Variants in TMTC2 observed in about 807,000 individuals in gnomAD.
TMTC2 encodes protein O-mannosyl-transferase TMTC2.
In TMTC2, 43 loss-of-function variants were observed where a neutral mutation model predicts 82.4. That is an observed-to-expected ratio of 0.52 (90% confidence interval 0.41 to 0.67). The LOEUF (loss-of-function observed/expected upper bound fraction) is 0.67, where lower values mean the gene tolerates loss of function less well. Among genes scored for constraint, TMTC2 ranks in the 30% least tolerant of loss-of-function variants. The pLI is 0.00. For missense variants in TMTC2, 919 were observed against 1,012.4 expected, an observed-to-expected ratio of 0.91 and a Z score of 1.25; for synonymous variants, 408 against 381.9, an observed-to-expected ratio of 1.07 and a Z score of -0.80.
At position 82,819,944 on chromosome 12, in the gene TMTC2, A is replaced by G. The variant is rs150189444; in HGVS notation, c.84-37066A>G. Among the ~76,000 whole-genome samples the G allele has an allele frequency of 2.9e-3, 436 of 152,260 alleles. 3 individuals carry two copies. The highest frequency in any genetic ancestry group is 9.9e-3 in the African/African-American group (413 of 41,548). The stretch of plus-strand genomic sequence containing the variant: ...GAGGTCCCACGATAGGCCATCTGCA[A>G]ACTGAGGAGCAAGGAAGCTAGTCCA... On this transcript the variant is annotated intron_variant, in intron 1 of 11. Coordinates refer to ENST00000321196, the MANE Select transcript of TMTC2 (RefSeq NM_152588.3).
At chr12:82,725,801 A>G (rs534341924) in intron 1 of TMTC2, among the ~76,000 whole-genome samples, 3 of 152,312 alleles carry the variant, frequency 2.0e-5, no homozygotes, top group African/African-American at 7.2e-5. Context: ...CTAGTTTACA[A>G]TGGGTTGGGT....
chr12:83,060,444 G>T (rs1882699109), intron 10 of TMTC2, among the ~76,000 whole-genome samples: 1 of 151,568 alleles, frequency 6.6e-6, no homozygotes, highest in Non-Finnish European at 1.5e-5. Flanking sequence ...TTTTCTAATT[G>T]AGAAAGTTAA....
chr12:82,775,111 A>T (rs1433576894), intron 1 of TMTC2, among the ~76,000 whole-genome samples: 2 of 152,084 alleles, frequency 1.3e-5, no homozygotes, highest in African/African-American at 4.8e-5. Context: ...AAAAAATTAA[A>T]GCAGGGGCTC....
intron 2 of TMTC2, among the ~76,000 whole-genome samples, chr12:82,880,987 TA>T (rs1180174406): frequency 6.6e-6 from 1 of 152,190 alleles, no homozygotes; most frequent in Non-Finnish European, 1.5e-5. Context: ...ATTTTTACAG[TA>T]AATCTTATTT....
At chr12:82,876,761 T>C (rs1872604628) in intron 2 of TMTC2, among the ~76,000 whole-genome samples, 1 of 152,340 alleles carries the variant, frequency 6.6e-6, no homozygotes, top group South Asian at 2.1e-4. Flanking sequence ...TACTTCTTTA[T>C]CTTGATCAGG....
At chr12:82,869,779 C>T (rs1047234544) in intron 2 of TMTC2, among the ~76,000 whole-genome samples, 2 of 151,014 alleles carry the variant, frequency 1.3e-5, no homozygotes, top group African/African-American at 4.9e-5. Context: ...GTGGAGGCCG[C>T]AGTGAGCCAT....
intron 2 of TMTC2, among the ~76,000 whole-genome samples, chr12:82,874,509 C>G (rs1367481334): frequency 6.6e-6 from 1 of 152,106 alleles, no homozygotes; most frequent in African/African-American, 2.4e-5. Context: ...TTTCTATGAA[C>G]AAAAGATTAA....
intron 11 of TMTC2, among the ~76,000 whole-genome samples, chr12:83,110,796 C>T (rs1286216579): frequency 6.6e-6 from 1 of 152,218 alleles, no homozygotes; most frequent in East Asian, 1.9e-4. Flanking sequence ...ACCCACTTCA[C>T]ACCCAAACTC....
intron 10 of TMTC2, among the ~76,000 whole-genome samples, chr12:83,061,536 T>C (rs937519912): frequency 2.0e-5 from 3 of 151,718 alleles, no homozygotes; most frequent in Non-Finnish European, 4.4e-5. Context: ...AATATGTAAA[T>C]GTGAAATAAC....
chr12:82,757,059 T>A (rs1163331927), intron 1 of TMTC2, among the ~76,000 whole-genome samples: 4 of 152,212 alleles, frequency 2.6e-5, no homozygotes, highest in Admixed American at 2.6e-4. Context: ...ATTCTCAGAT[T>A]TGACATGACT....
intron 1 of TMTC2, among the ~76,000 whole-genome samples, chr12:82,810,326 G>A (rs1879434856): frequency 6.6e-6 from 1 of 151,328 alleles, no homozygotes; most frequent in Non-Finnish European, 1.5e-5. Flanking sequence ...CATGTAAAAG[G>A]CAAGGGTGCA....
intron 11 of TMTC2, among the ~76,000 whole-genome samples, chr12:83,120,737 C>T (rs905600515): frequency 6.6e-6 from 1 of 152,172 alleles, no homozygotes; most frequent in Non-Finnish European, 1.5e-5. Flanking sequence ...GATTATTCCC[C>T]CAAATATGTT....
At chr12:82,782,794 G>C (rs1233458664) in intron 1 of TMTC2, among the ~76,000 whole-genome samples, 1 of 152,164 alleles carries the variant, frequency 6.6e-6, no homozygotes, top group African/African-American at 2.4e-5. Context: ...TTCAAGGCTT[G>C]TGTGATGCAC....
intron 1 of TMTC2, among the ~76,000 whole-genome samples, chr12:82,762,392 T>C (rs1876702335): frequency 6.6e-6 from 1 of 152,218 alleles, no homozygotes; most frequent in Admixed American, 6.5e-5. Flanking sequence ...GAGCCATTTA[T>C]GTGTCTTTTC....
intron 7 of TMTC2, among the ~76,000 whole-genome samples, chr12:82,973,471 A>T (rs1451640457): frequency 1.3e-5 from 2 of 152,208 alleles, no homozygotes; most frequent in Non-Finnish European, 2.9e-5. Context: ...TAAGGAAATC[A>T]TGAATGTTTG....
rs117240820 is a variant in TMTC2 at position 82,799,909 on chromosome 12, T to G, written c.84-57101T>G. Among the ~76,000 whole-genome samples, 20 of 152,182 alleles carry G rather than the reference T, an allele frequency of 1.3e-4. No individual in the cohort carries two copies. In the East Asian group the frequency reaches 3.9e-3, roughly 29 times the overall value. On this transcript the variant is annotated intron_variant, in intron 1 of 11. Transcript: ENST00000321196. ...TCACCATCACATGTGCCAGCAGGTGTTGTTTCTTTGTCCAGGATCCTAATC... is the reference window on the plus strand; with the variant it reads ...TCACCATCACATGTGCCAGCAGGTGGTGTTTCTTTGTCCAGGATCCTAATC...
intron 8 of TMTC2, among the ~76,000 whole-genome samples, chr12:82,989,557 C>G (rs1879311185): frequency 6.6e-6 from 1 of 151,326 alleles, no homozygotes; most frequent in African/African-American, 2.4e-5. Context: ...TCATTGCCCA[C>G]CTGCACCCCC....
At chr12:82,833,813 G>A (rs1280764035) in intron 1 of TMTC2, among the ~76,000 whole-genome samples, 2 of 152,186 alleles carry the variant, frequency 1.3e-5, no homozygotes, top group African/African-American at 2.4e-5. Context: ...AGCCAAGTAA[G>A]TAGGAGGACT....
intron 2 of TMTC2, among the ~76,000 whole-genome samples, chr12:82,865,828 A>G (rs897348681): frequency 1.3e-5 from 2 of 152,204 alleles, no homozygotes; most frequent in Non-Finnish European, 2.9e-5. Context: ...ACCACAGTGC[A>G]ATCAAACTAG....
Sources: gnomAD v4.1 joint callset for allele counts (sites outside exome capture counted in the v4.1 genomes callset) on GRCh38, gnomAD v4.1.1 for gene constraint, MANE v1.5 for transcripts, NCBI Gene and HGNC (gene_info 2026-07-23, HGNC 2026-07-21) for gene names.